DHX15: variants seen among roughly 807,000 people sequenced by gnomAD.
DHX15 encodes the protein DEAH-box helicase 15, also known as ATP-dependent RNA helicase DHX15.
A neutral mutation model predicts 94.4 loss-of-function variants in DHX15; 11 were observed. The ratio of observed to expected loss-of-function variants is 0.12; its 90% CI spans 0.07 to 0.19. The LOEUF is 0.19. Among genes scored for constraint, DHX15 ranks in the 10% least tolerant of loss-of-function variants. The pLI, the probability that DHX15 is intolerant of heterozygous loss-of-function variation, is 1.00. For synonymous variants in DHX15, 338 were observed against 329.9 expected (o/e 1.02, Z -0.27); for missense variants, 304 against 988.5 (o/e 0.31, Z 9.29).
chr4:24,538,505 T>C (rs1268199248), intron 10 of DHX15: 2 of 152,270 alleles, frequency 1.3e-5, no homozygotes, highest in Admixed American at 6.5e-5. Context: ...CAAAGGCCTC[T>C]AGATTTGCAC....
chr4:24,538,927 C>T (rs1721253023), intron 10 of DHX15: 1 of 152,038 alleles, frequency 6.6e-6, no homozygotes, highest in African/African-American at 2.4e-5. Flanking sequence ...TTAGTTCTTG[C>T]CCCACACTTT....
At chr4:24,564,134 T>C (rs866891821) in intron 3 of DHX15, among the ~76,000 whole-genome samples, 2 of 151,274 alleles carry the variant, frequency 1.3e-5, no homozygotes, top group Non-Finnish European at 2.9e-5. Context: ...GAGGTAGTGT[T>C]CAATCTGTTA....
chr4:24,576,708 T>C (rs1307768691), intron 1 of DHX15, 30 bp from the exon 2 acceptor site: 3 of 1,604,398 alleles, frequency 1.9e-6, no homozygotes, highest in Non-Finnish European at 2.6e-6. Context: ...ATTCAGATTC[T>C]GAATTTTATG....
In DHX15 at chr4:24,544,142, G is replaced by A. The variant is rs564650817; in HGVS notation, c.1249-1116C>T. Among the ~76,000 whole-genome samples the A allele has an allele frequency of 3.3e-5, 5 of 152,194 alleles. No homozygotes were observed. In the South Asian group the frequency reaches 1.0e-3, roughly 32 times the overall value. ...TTCCATCTTAAAAAAACACATGTGG[G>A]AGAAATGCCTATGGGCACATACAAA... On this transcript the variant is annotated intron_variant, in intron 6 of 13. Coordinates refer to ENST00000336812, the MANE Select transcript of DHX15 (RefSeq NM_001358.3).
intron 8 of DHX15, among the ~76,000 whole-genome samples, chr4:24,541,431 CAAG>C (rs1721307752): frequency 6.6e-6 from 1 of 151,974 alleles, no homozygotes; most frequent in African/African-American, 2.4e-5. Context: ...CCCAAAGCGC[CAAG>C]AATATTGATG....
At chr4:24,569,982 G>A (rs1722085204) in intron 3 of DHX15, among the ~76,000 whole-genome samples, 1 of 152,304 alleles carries the variant, frequency 6.6e-6, no homozygotes. Flanking sequence ...CATAAATACA[G>A]AATAAGCAGA....
chr4:24,582,886 A>G (rs184842759), intron 1 of DHX15, among the ~76,000 whole-genome samples: 14 of 152,330 alleles, frequency 9.2e-5, no homozygotes, highest in Non-Finnish European at 1.8e-4. Context: ...CTGTCTTACA[A>G]TGTCATTGTC....
intron 5 of DHX15, among the ~76,000 whole-genome samples, chr4:24,554,475 A>C (rs1721680324): frequency 6.6e-6 from 1 of 152,224 alleles, no homozygotes; most frequent in South Asian, 2.1e-4. Context: ...CTCTTAAACT[A>C]CAATTGCAAA....
In DHX15 at chr4:24,527,847, A is replaced by C; in HGVS notation, c.*77T>G. The stretch of plus-strand genomic sequence containing the variant: ...AAAGGCCATTATCGAACCAACGTGA[A>C]GAGCACAACTCGAACTTTTGAGTTC... On this transcript the variant is annotated 3_prime_UTR_variant, in exon 14 of 14. Transcript: ENST00000336812. 2 of 1,010,702 alleles carry C rather than the reference A, an allele frequency of 2.0e-6. No homozygotes were observed. The highest frequency in any genetic ancestry group is 3.1e-6 in the Non-Finnish European group (2 of 643,648). The allele number at this position is 1,010,702 out of a possible 1,614,324, so 62.6% of individuals were successfully genotyped here. A position where few individuals can be genotyped will look rare whatever the true frequency, so the allele number is the denominator to read the frequency against.
chr4:24,540,566 A>G (rs760572841), intron 9 of DHX15, among the ~76,000 whole-genome samples: 1 of 152,062 alleles, frequency 6.6e-6, no homozygotes, highest in Non-Finnish European at 1.5e-5. Context: ...TTTTTCCCCA[A>G]AGAAAACTTA....
At chr4:24,538,527 G>A (rs1204155470) in intron 10 of DHX15, 1 of 152,016 alleles carries the variant, frequency 6.6e-6, no homozygotes, top group Admixed American at 6.6e-5. Flanking sequence ...GTTAGTATCA[G>A]GACCTCAAAA....
At chr4:24,542,602 T>C (rs986697931) in intron 7 of DHX15, among the ~76,000 whole-genome samples, 2 of 152,202 alleles carry the variant, frequency 1.3e-5, no homozygotes, top group African/African-American at 4.8e-5. Context: ...TCTAATAATG[T>C]TGGGAGAAGT....
intron 1 of DHX15, among the ~76,000 whole-genome samples, chr4:24,581,229 C>G (rs932497916): frequency 4.6e-5 from 7 of 151,612 alleles, no homozygotes; most frequent in African/African-American, 1.7e-4. Flanking sequence ...AGGGTTTCAC[C>G]GTGTTAGCCA....
At chr4:24,546,145 C>T (rs961921565) in intron 6 of DHX15, among the ~76,000 whole-genome samples, 1 of 152,180 alleles carries the variant, frequency 6.6e-6, no homozygotes. Flanking sequence ...CCAGGGAACT[C>T]TGTGGTGGTC....
At chr4:24,567,151 C>T (rs1359591745) in intron 3 of DHX15, among the ~76,000 whole-genome samples, 1 of 152,180 alleles carries the variant, frequency 6.6e-6, no homozygotes, top group Non-Finnish European at 1.5e-5. Flanking sequence ...CCTAAAATAA[C>T]AGTAAAATTA....
intron 10 of DHX15, chr4:24,538,122 T>C (rs1577333885): frequency 6.6e-6 from 1 of 152,158 alleles, no homozygotes. Context: ...GTTTAGCAAT[T>C]CCATAGTCAT....
chr4:24,574,858 T>C (rs1199150757), intron 2 of DHX15, among the ~76,000 whole-genome samples: 1 of 152,236 alleles, frequency 6.6e-6, no homozygotes, highest in African/African-American at 2.4e-5. Context: ...TGAAAATTCT[T>C]AAAATTTCCG....
In DHX15 at chr4:24,573,611, G is replaced by GT. The variant is rs78325608; in HGVS notation, c.507+2631dup. Among the ~76,000 whole-genome samples the GT allele has an allele frequency of 8.2e-3, 1,249 of 152,074 alleles. 13 individuals carry two copies. Among genetic ancestry groups the GT allele is most frequent in the Non-Finnish European group, 0.014 (926 of 68,002 alleles). On this transcript the variant is annotated intron_variant, in intron 2 of 13. Coordinates refer to ENST00000336812, the MANE Select transcript of DHX15 (RefSeq NM_001358.3). Reference sequence around the variant, plus strand: ...TCATCAATATGTTCACTAGACAGGAGTTTTTTTAAAAAAAAATCCTCATCA... The same window carrying GT: ...TCATCAATATGTTCACTAGACAGGAGTTTTTTTTAAAAAAAAATCCTCATCA...
At chr4:24,548,079 G>T (rs1371368102) in intron 6 of DHX15, among the ~76,000 whole-genome samples, 2 of 149,756 alleles carry the variant, frequency 1.3e-5, no homozygotes, top group African/African-American at 4.9e-5. Context: ...CGTTTGACAG[G>T]ATCTAGATGA....
Sources: gnomAD v4.1 joint callset for allele counts (sites outside exome capture counted in the v4.1 genomes callset) on GRCh38, gnomAD v4.1.1 for gene constraint, MANE v1.5 for transcripts, NCBI Gene and HGNC (gene_info 2026-07-23, HGNC 2026-07-21) for gene names.